SRD5A2: variants seen among roughly 807,000 people sequenced by gnomAD.
SRD5A2 encodes 3-oxo-5-alpha-steroid 4-dehydrogenase 2.
A neutral mutation model predicts 27.4 loss-of-function variants in SRD5A2; 30 were observed. The ratio of observed to expected loss-of-function variants is 1.10; its 90% CI spans 0.82 to 1.49. The LOEUF (loss-of-function observed/expected upper bound fraction) is 1.49, where lower values mean the gene tolerates loss of function less well. Ranked by LOEUF, SRD5A2 falls within the 40% of genes most tolerant of loss-of-function variation. The probability of loss-of-function intolerance (pLI) is 0.00; values close to 1 mark genes in which losing one functional copy is unlikely to be tolerated. For missense variants in SRD5A2, 348 were observed against 323.4 expected (o/e 1.08, Z -0.58); for synonymous variants, 141 against 133.6 (o/e 1.06, Z -0.38).
chr2:31,562,353 C>T (rs1192772410), intron 1 of SRD5A2, among the ~76,000 whole-genome samples: 4 of 152,144 alleles, frequency 2.6e-5, no homozygotes, highest in African/African-American at 9.6e-5. Context: ...GGGGTATCCA[C>T]CACCTCAAAT....
the SRD5A2 span, among the ~76,000 whole-genome samples, chr2:31,652,429 A>G: frequency 6.6e-6 from 1 of 152,106 alleles, no homozygotes; most frequent in African/African-American, 2.4e-5. Context: ...ATTTCCAGCT[A>G]TATTTTTTCT....
At chr2:31,630,372 AG>A in the SRD5A2 span, among the ~76,000 whole-genome samples, 1 of 152,228 alleles carries the variant, frequency 6.6e-6, no homozygotes, top group Non-Finnish European at 1.5e-5. Flanking sequence ...AGATAGAAGT[AG>A]TAAAGAAAAA....
At chr2:31,540,025 G>T (rs1666098911) in intron 1 of SRD5A2, among the ~76,000 whole-genome samples, 1 of 152,128 alleles carries the variant, frequency 6.6e-6, no homozygotes, top group Non-Finnish European at 1.5e-5. Flanking sequence ...GAATATTTAA[G>T]ACAATTATAT....
intron 1 of SRD5A2, among the ~76,000 whole-genome samples, chr2:31,561,434 C>T (rs146614113): frequency 1.7e-3 from 253 of 152,286 alleles, no homozygotes; most frequent in African/African-American, 5.8e-3. Flanking sequence ...CCATTGTCAA[C>T]CCCATGCAAA....
the SRD5A2 span, among the ~76,000 whole-genome samples, chr2:31,596,781 G>A: frequency 6.6e-6 from 1 of 151,958 alleles, no homozygotes; most frequent in African/African-American, 2.4e-5. Flanking sequence ...GAAATATACT[G>A]AACCAAGGAC....
At chr2:31,608,002 T>C in the SRD5A2 span, among the ~76,000 whole-genome samples, 1 of 151,972 alleles carries the variant, frequency 6.6e-6, no homozygotes, top group Admixed American at 6.6e-5. Context: ...AGATAGGCCC[T>C]CACCAGACAC....
chr2:31,647,525 T>A, the SRD5A2 span, among the ~76,000 whole-genome samples: 1 of 152,202 alleles, frequency 6.6e-6, no homozygotes, highest in Non-Finnish European at 1.5e-5. Context: ...CAAAAATTAA[T>A]TAGTTTTCCT....
At chr2:31,584,832 A>G (rs962961928), upstream of SRD5A2, among the ~76,000 whole-genome samples, 3 of 152,356 alleles carry the variant, frequency 2.0e-5, no homozygotes, top group South Asian at 2.1e-4. Flanking sequence ...CTCCTTCACA[A>G]GAACCAAAAC....
chr2:31,552,837 C>T (rs911813153), intron 1 of SRD5A2, among the ~76,000 whole-genome samples: 1 of 152,060 alleles, frequency 6.6e-6, no homozygotes, highest in African/African-American at 2.4e-5. Context: ...TTCAAATGTG[C>T]AGACACCAAG....
rs1164060400 is a variant in SRD5A2, at chr2:31,522,904, C to T, written c.*3292G>A. ...CCTTCATGTGCCAAGAGCTTGCTCCCCTGCTTCTTAGTGAGATTGCCATGA... is the reference window on the plus strand; with the variant it reads ...CCTTCATGTGCCAAGAGCTTGCTCCTCTGCTTCTTAGTGAGATTGCCATGA... On this transcript the variant is annotated 3_prime_UTR_variant, in exon 5 of 5. Coordinates refer to ENST00000622030, the MANE Select transcript of SRD5A2 (RefSeq NM_000348.4). 4.5e-6 allele frequency: 1 copy of T among 223,432 alleles called. No individual in the cohort carries two copies. Among genetic ancestry groups the T allele is most frequent in the Non-Finnish European group, 8.9e-6 (1 of 112,000 alleles). 13.8% of individuals were successfully genotyped at this position (223,432 alleles called of 1,614,324 possible). A position where few individuals can be genotyped will look rare whatever the true frequency, so the allele number is the denominator to read the frequency against.
At chr2:31,578,795 T>TA (rs1009660706) in intron 1 of SRD5A2, among the ~76,000 whole-genome samples, 1 of 152,138 alleles carries the variant, frequency 6.6e-6, no homozygotes, top group Non-Finnish European at 1.5e-5. Context: ...GGTTTTTTTT[T>TA]AAATGCACCG....
the SRD5A2 span, among the ~76,000 whole-genome samples, chr2:31,620,057 T>C: frequency 6.6e-6 from 1 of 152,134 alleles, no homozygotes; most frequent in East Asian, 1.9e-4. Flanking sequence ...GTCTTCCAGG[T>C]TTTTATAGTT....
the SRD5A2 span, among the ~76,000 whole-genome samples, chr2:31,653,742 C>T: frequency 6.6e-6 from 1 of 152,142 alleles, no homozygotes; most frequent in African/African-American, 2.4e-5. Flanking sequence ...TCACTGCAAC[C>T]TCCGCCTCCT....
chr2:31,525,698 C>G lies in SRD5A2; in HGVS notation c.*498G>C, dbSNP rs1665761996. The G allele has an allele frequency of 4.4e-6, 1 of 228,664 alleles. No individual in the cohort carries two copies. The highest frequency in any genetic ancestry group is 2.2e-5 in the African/African-American group (1 of 45,050). The allele number at this position is 228,664 out of a possible 1,614,324, so 14.2% of individuals were successfully genotyped here. On this transcript the variant is annotated 3_prime_UTR_variant, in exon 5 of 5. Transcript: ENST00000622030. ...TTAACCAAGAAAAAGGAAGCCATGA[C>G]TGGGGTTTTCATTTGGGAGTGGGTT...
chr2:31,613,720 G>T, the SRD5A2 span, among the ~76,000 whole-genome samples: 1 of 152,072 alleles, frequency 6.6e-6, no homozygotes, highest in East Asian at 1.9e-4. Context: ...CCCAAGACTG[G>T]GTAATCTATA....
chr2:31,608,942 G>C, the SRD5A2 span, among the ~76,000 whole-genome samples: 1 of 152,032 alleles, frequency 6.6e-6, no homozygotes, highest in African/African-American at 2.4e-5. Flanking sequence ...GGTAATTAAG[G>C]TTAAGTAAGA....
upstream of SRD5A2, among the ~76,000 whole-genome samples, chr2:31,583,825 C>T (rs975573058): frequency 2.0e-5 from 3 of 151,786 alleles, no homozygotes; most frequent in African/African-American, 4.8e-5. Context: ...AGGTTTATAT[C>T]GACAGATCCC....
chr2:31,631,920 G>A, the SRD5A2 span, among the ~76,000 whole-genome samples: 1 of 152,150 alleles, frequency 6.6e-6, no homozygotes, highest in East Asian at 1.9e-4. Context: ...AAGGACTAAG[G>A]AAAACTAGGA....
the SRD5A2 span, among the ~76,000 whole-genome samples, chr2:31,642,939 C>T: frequency 1.3e-5 from 2 of 152,018 alleles, no homozygotes; most frequent in South Asian, 2.1e-4. Context: ...ATATTCAGTG[C>T]TTCCATTTAT....
Sources: gnomAD v4.1 joint callset for allele counts (sites outside exome capture counted in the v4.1 genomes callset) on GRCh38, gnomAD v4.1.1 for gene constraint, MANE v1.5 for transcripts, NCBI Gene and HGNC (gene_info 2026-07-23, HGNC 2026-07-21) for gene names.